The following ATG14 variants were observed in gnomAD, a reference collection of about 807,000 sequenced individuals.
ATG14 encodes the protein autophagy related 14.
In ATG14, 35 loss-of-function variants were observed where a neutral mutation model predicts 60.4. That is an observed-to-expected ratio of 0.58 (90% CI 0.44 to 0.77). The LOEUF (loss-of-function observed/expected upper bound fraction) is 0.77. ATG14 is among the 30% of genes least tolerant of loss of function. ATG14 has a pLI of 0.00. For missense variants in ATG14, 647 were observed against 626.3 expected (o/e 1.03, Z -0.35); for synonymous variants, 234 against 228.8 (o/e 1.02, Z -0.21).
chr14:55,406,930 A>G (rs1295707395), intron 1 of ATG14, among the ~76,000 whole-genome samples: 1 of 150,934 alleles, frequency 6.6e-6, no homozygotes. Flanking sequence ...TGAAAATCTA[A>G]TGCTCACATT....
intron 5 of ATG14, among the ~76,000 whole-genome samples, chr14:55,384,526 T>G (rs966641196): frequency 6.6e-6 from 1 of 152,248 alleles, no homozygotes; most frequent in Non-Finnish European, 1.5e-5. Context: ...CTAAAAACTT[T>G]CTATTTTGCT....
At chr14:55,392,452 AG>A (rs899076910) in intron 3 of ATG14, among the ~76,000 whole-genome samples, 1 of 152,164 alleles carries the variant, frequency 6.6e-6, no homozygotes, top group Non-Finnish European at 1.5e-5. Context: ...GTTCGAGGCC[AG>A]CCTGGGCAAC....
chr14:55,411,782 G>C lies in ATG14; in HGVS notation c.41C>G (p.Ala14Gly). The change falls in exon 1 of 10, where the codon GCT (alanine) becomes GGT (glycine). Residue 14 changes from alanine (A) to glycine (G), a missense_variant. Physicochemically the swap from Ala to Gly is moderately conservative, Grantham distance 60. Transcript: ENST00000247178. Reference sequence around the variant, plus strand: ...GAGCGGCCGGGGCCCGCAGCCAGGAGCCTCCAGCGCCCGGGCTCCCTTCCC... The same window carrying C: ...GAGCGGCCGGGGCCCGCAGCCAGGACCCTCCAGCGCCCGGGCTCCCTTCCC... ...PSGKGARALE[A>G]PGCGPRPLAR... 1 of 1,602,686 alleles carries C rather than the reference G, an allele frequency of 6.2e-7. No individual in the cohort carries two copies. The highest frequency in any genetic ancestry group is 8.5e-7 in the Non-Finnish European group (1 of 1,175,260).
At chr14:55,390,561 C>T (rs1389089021) in intron 4 of ATG14, among the ~76,000 whole-genome samples, 11 of 151,784 alleles carry the variant, frequency 7.2e-5, no homozygotes, top group Admixed American at 6.6e-4. Context: ...TTAGTAGAGA[C>T]GGAGTTTCAC....
At chr14:55,409,210 A>T (rs576479612) in intron 1 of ATG14, among the ~76,000 whole-genome samples, 1 of 152,356 alleles carries the variant, frequency 6.6e-6, no homozygotes, top group African/African-American at 2.4e-5. Context: ...AAAGAAAAGT[A>T]TAGGATAACT....
At chr14:55,405,782 ATTC>A (rs1357105209) in intron 1 of ATG14, among the ~76,000 whole-genome samples, 2 of 150,674 alleles carry the variant, frequency 1.3e-5, no homozygotes, top group Non-Finnish European at 3.0e-5. Flanking sequence ...GCCTAATATC[ATTC>A]TTCTTCTTCA....
At chr14:55,403,813 A>G (rs1300613589) in intron 1 of ATG14, among the ~76,000 whole-genome samples, 1 of 152,206 alleles carries the variant, frequency 6.6e-6, no homozygotes, top group African/African-American at 2.4e-5. Flanking sequence ...GGATTGTGAG[A>G]GAATTTTCCT....
chr14:55,388,634 A>C (rs913424796), intron 4 of ATG14, among the ~76,000 whole-genome samples: 1 of 152,240 alleles, frequency 6.6e-6, no homozygotes, highest in African/African-American at 2.4e-5. Flanking sequence ...GAAATAATTC[A>C]TCAGTCTCTA....
intron 9 of ATG14, 92 bp from the exon 10 acceptor site, chr14:55,370,017 A>C: frequency 7.9e-7 from 1 of 1,262,786 alleles, no homozygotes; most frequent in South Asian, 1.6e-5. Context: ...ACCTGAGGGG[A>C]TGAGGGACGC....
chr14:55,408,060 T>A (rs1841047710), intron 1 of ATG14, among the ~76,000 whole-genome samples: 1 of 152,216 alleles, frequency 6.6e-6, no homozygotes, highest in Non-Finnish European at 1.5e-5. Context: ...CTAGGCATCA[T>A]GCTAACCACT....
intron 4 of ATG14, 39 bp downstream of exon 4, chr14:55,390,872 C>A (rs1324243428): frequency 7.2e-7 from 1 of 1,379,896 alleles, no homozygotes; most frequent in Admixed American, 2.0e-5. Flanking sequence ...TCCACATAGG[C>A]ACTTTCTAGG....
intron 9 of ATG14, among the ~76,000 whole-genome samples, chr14:55,372,594 C>T (rs1017572550): frequency 5.9e-5 from 9 of 151,518 alleles, no homozygotes; most frequent in Non-Finnish European, 1.2e-4. Context: ...TTCCTCACTC[C>T]TTCCCTTCCT....
intron 1 of ATG14, 44 bp downstream of exon 1, chr14:55,411,558 G>T (rs1197618927): frequency 1.3e-6 from 2 of 1,553,028 alleles, no homozygotes; most frequent in East Asian, 2.4e-5. Flanking sequence ...CTGGCTGGAG[G>T]ACACACAGCA....
At chr14:55,395,649 AGTGT>A (rs1233931347) in intron 3 of ATG14, among the ~76,000 whole-genome samples, 2 of 152,196 alleles carry the variant, frequency 1.3e-5, no homozygotes, top group East Asian at 1.9e-4. Flanking sequence ...ATCCATTTGG[AGTGT>A]GTATGATAAA....
Position 55,377,315 on chromosome 14 carries a change from C to G in ATG14, c.1172+504G>C, listed in dbSNP as rs142289239. Reference sequence around the variant, plus strand: ...TGAGCTGAGATTGCACCACTGCACTCTAGCCTGGGTGACAAGGGTGAAACC... The same window carrying G: ...TGAGCTGAGATTGCACCACTGCACTGTAGCCTGGGTGACAAGGGTGAAACC... On this transcript the variant is annotated intron_variant, in intron 9 of 9. Transcript: ENST00000247178. Among the ~76,000 whole-genome samples the G allele has an allele frequency of 8.4e-3, 1,280 of 152,164 alleles. 23 individuals carry two copies. Among genetic ancestry groups the G allele is most frequent in the African/African-American group, 0.03 (1,231 of 41,492 alleles).
intron 1 of ATG14, among the ~76,000 whole-genome samples, chr14:55,406,993 GCT>G (rs1305704962): frequency 1.3e-5 from 2 of 148,818 alleles, no homozygotes; most frequent in African/African-American, 5.0e-5. Flanking sequence ...ATGGAGTCTA[GCT>G]CTGTTGCCCA....
At chr14:55,374,818 T>C (rs563313622) in intron 9 of ATG14, among the ~76,000 whole-genome samples, 1 of 152,230 alleles carries the variant, frequency 6.6e-6, no homozygotes, top group Non-Finnish European at 1.5e-5. Flanking sequence ...TTTCCACATA[T>C]ACAAGAGTCT....
At chr14:55,406,425 G>GA (rs1316637927) in intron 1 of ATG14, among the ~76,000 whole-genome samples, 1 of 152,120 alleles carries the variant, frequency 6.6e-6, no homozygotes, top group Non-Finnish European at 1.5e-5. Context: ...AAGTTAAGGG[G>GA]AAAAAGAGTC....
intron 1 of ATG14, among the ~76,000 whole-genome samples, chr14:55,403,760 G>A (rs1324491796): frequency 6.6e-6 from 1 of 152,168 alleles, no homozygotes; most frequent in African/African-American, 2.4e-5. Flanking sequence ...ATAGGATATT[G>A]AGGACTGTGC....
Sources: gnomAD v4.1 joint callset for allele counts (sites outside exome capture counted in the v4.1 genomes callset) on GRCh38, gnomAD v4.1.1 for gene constraint, MANE v1.5 for transcripts, NCBI Gene and HGNC (gene_info 2026-07-23, HGNC 2026-07-21) for gene names.